PAH: variants seen among roughly 807,000 people sequenced by gnomAD.
PAH encodes the protein phenylalanine hydroxylase.
Under a neutral mutation model 62.0 loss-of-function variants are expected in PAH, and 64 were observed. The observed-to-expected ratio is 1.03, with a 90% CI of 0.84 to 1.27. PAH has a LOEUF of 1.27. PAH is among the 50% of genes most tolerant of loss of function. The pLI, the probability that PAH is intolerant of heterozygous loss-of-function variation, is 0.00. For missense variants in PAH, 579 were observed against 542.8 expected (o/e 1.07, Z -0.66); for synonymous variants, 195 against 196.2 (o/e 0.99, Z 0.05).
intron 1 of PAH, among the ~76,000 whole-genome samples, chr12:102,949,926 A>G (rs891144193): frequency 1.3e-5 from 2 of 152,220 alleles, no homozygotes; most frequent in African/African-American, 4.8e-5. Flanking sequence ...ATTGTGTCTT[A>G]TTCCCCTCTG....
chr12:102,851,901 A>G lies in PAH; in HGVS notation c.843-145T>C, dbSNP rs956478219. 3.4e-5 allele frequency: 23 copies of G among 678,646 alleles called. No homozygotes were observed. In the African/African-American group the frequency reaches 3.6e-4, roughly 11 times the overall value. The allele number at this position is 678,646 out of a possible 1,614,324, so 42.0% of individuals were successfully genotyped here. On this transcript the variant is annotated intron_variant, in intron 7 of 12. Transcript: ENST00000553106. The stretch of plus-strand genomic sequence containing the variant: ...CCTCTCCCAGGAATAAGTGATATGC[A>G]GAGGTTGGGATCATAAAAGGCAGGG...
chr12:102,839,297 T>A, intron 12 of PAH, 79 bp from the exon 13 acceptor site: 1 of 1,396,394 alleles, frequency 7.2e-7, no homozygotes, highest in Non-Finnish European at 1.0e-6. Flanking sequence ...TGCAAAGCAC[T>A]AGGGGATAAG....
intron 2 of PAH, among the ~76,000 whole-genome samples, chr12:102,897,733 T>G (rs1049446703): frequency 6.6e-6 from 1 of 152,156 alleles, no homozygotes; most frequent in African/African-American, 2.4e-5. Flanking sequence ...ACCAAATTCC[T>G]TGGACTCCTC....
At chr12:102,871,718 T>G (rs1876323338) in intron 4 of PAH, among the ~76,000 whole-genome samples, 1 of 150,010 alleles carries the variant, frequency 6.7e-6, no homozygotes, top group African/African-American at 2.5e-5. Context: ...AGGTCAGGAG[T>G]TCAAGACCAG....
intron 1 of PAH, among the ~76,000 whole-genome samples, chr12:102,947,771 A>G (rs902666424): frequency 6.6e-6 from 1 of 152,210 alleles, no homozygotes; most frequent in African/African-American, 2.4e-5. Flanking sequence ...AAGAACCAGT[A>G]AGAAATTAGA....
chr12:102,945,126 C>T, intron 1 of PAH: 1 of 152,284 alleles, frequency 6.6e-6, no homozygotes, highest in East Asian at 1.9e-4. Flanking sequence ...TGAATAGAGT[C>T]TCTCACTCTG....
rs779692890 is a variant in PAH at position 102,852,968 on chromosome 12, A to C, written c.707-18T>G. 6.8e-6 allele frequency: 11 copies of C among 1,613,716 alleles called. No homozygotes were observed. The highest frequency in any genetic ancestry group is 9.3e-6 in the Non-Finnish European group (11 of 1,179,866). ...AGTGCAAGCTGGGATGAAAAGAAGA[A>C]AGAAAACTCAAAGCTCATCACCACT... On this transcript the variant is annotated intron_variant, in intron 6 of 12. Coordinates refer to ENST00000553106, the MANE Select transcript of PAH (RefSeq NM_000277.3).
upstream of PAH, chr12:102,917,452 C>T (rs1878432878): frequency 5.0e-6 from 2 of 400,682 alleles, no homozygotes; most frequent in East Asian, 5.6e-5. Flanking sequence ...AGCCAGGGAG[C>T]GACGGGCCAC....
intron 3 of PAH, among the ~76,000 whole-genome samples, chr12:102,890,241 G>C (rs1225470587): frequency 6.6e-6 from 1 of 152,322 alleles, no homozygotes; most frequent in South Asian, 2.1e-4. Context: ...ACTTGAACCT[G>C]CTGTCAGACT....
intron 11 of PAH, among the ~76,000 whole-genome samples, chr12:102,841,238 G>C (rs1592946049): frequency 6.6e-6 from 1 of 152,186 alleles, no homozygotes; most frequent in Admixed American, 6.5e-5. Flanking sequence ...CTTACTCCTG[G>C]ATCTGGGAGA....
chr12:102,882,475 A>G (rs867030349), intron 3 of PAH, among the ~76,000 whole-genome samples: 79 of 152,220 alleles, frequency 5.2e-4, no homozygotes, highest in African/African-American at 1.9e-3. Flanking sequence ...TTATAAGAAC[A>G]ACATGATGTT....
chr12:102,955,291 G>A (rs867324869), upstream of PAH, among the ~76,000 whole-genome samples: 12 of 152,222 alleles, frequency 7.9e-5, no homozygotes, highest in Non-Finnish European at 1.5e-4. Flanking sequence ...CTGGCTACCA[G>A]CAAATTTTCT....
intron 1 of PAH, among the ~76,000 whole-genome samples, chr12:102,923,917 C>T (rs1433355742): frequency 3.9e-5 from 6 of 152,134 alleles, no homozygotes; most frequent in Admixed American, 3.3e-4. Context: ...TGGTGGAGTC[C>T]AGCTTCTTCT....
chr12:102,907,523 G>T (rs748131694), intron 2 of PAH, among the ~76,000 whole-genome samples: 3 of 152,112 alleles, frequency 2.0e-5, no homozygotes, highest in Non-Finnish European at 4.4e-5. Flanking sequence ...AGTCATATGT[G>T]CCCAGCTCAT....
intron 2 of PAH, among the ~76,000 whole-genome samples, chr12:102,896,504 G>A (rs1471802183): frequency 6.6e-6 from 1 of 152,218 alleles, no homozygotes; most frequent in African/African-American, 2.4e-5. Flanking sequence ...AACTTTAAGG[G>A]ATAAGATAGA....
upstream of PAH, among the ~76,000 whole-genome samples, chr12:102,954,134 G>C (rs758436630): frequency 6.6e-6 from 1 of 152,236 alleles, no homozygotes. Flanking sequence ...GGGCCCAGTG[G>C]CTCTGCTGAA....
intron 3 of PAH, among the ~76,000 whole-genome samples, chr12:102,882,478 A>G (rs1876852850): frequency 1.3e-5 from 2 of 152,038 alleles, no homozygotes; most frequent in African/African-American, 4.8e-5. Context: ...TAAGAACAAC[A>G]TGATGTTAAA....
At chr12:102,946,302 G>T (rs1203500812) in intron 1 of PAH, among the ~76,000 whole-genome samples, 1 of 152,232 alleles carries the variant, frequency 6.6e-6, no homozygotes, top group Non-Finnish European at 1.5e-5. Flanking sequence ...CAAGTCCACT[G>T]GCTCTGAGCC....
chr12:102,917,418 T>C (rs1467344056), upstream of PAH: 5 of 450,696 alleles, frequency 1.1e-5, no homozygotes, highest in East Asian at 2.3e-4. Context: ...ACCACTTCGC[T>C]GCCCGCCCTG....
Sources: allele counts gnomAD v4.1 joint callset (sites outside exome capture counted in the v4.1 genomes callset), GRCh38; gene constraint gnomAD v4.1.1; transcripts MANE v1.5; gene names NCBI Gene and HGNC (gene_info 2026-07-23, HGNC 2026-07-21).